DNAJA3: variants seen among roughly 807,000 people sequenced by gnomAD.
DNAJA3 encodes DnaJ heat shock protein family (Hsp40) member A3.
A neutral mutation model predicts 54.9 loss-of-function variants in DNAJA3; 29 were observed. The ratio of observed to expected loss-of-function variants is 0.53; its 90% CI spans 0.39 to 0.72. The LOEUF is 0.72. Among genes scored for constraint, DNAJA3 ranks in the 30% least tolerant of loss-of-function variants. The pLI, the probability that DNAJA3 is intolerant of heterozygous loss-of-function variation, is 0.00. For missense variants in DNAJA3, 708 were observed against 639.4 expected (o/e 1.11, Z -1.16); for synonymous variants, 302 against 251.4 (o/e 1.20, Z -1.90).
chr16:4,447,284 C>CAGA (rs2056914320), intron 8 of DNAJA3: 1 of 434,858 alleles, frequency 2.3e-6, no homozygotes, highest in African/African-American at 2.0e-5. Flanking sequence ...ATTCAGGACA[C>CAGA]AGAAGGGTTC....
intron 10 of DNAJA3, among the ~76,000 whole-genome samples, chr16:4,452,221 T>TA (rs2056987081): frequency 1.3e-5 from 2 of 152,180 alleles, no homozygotes; most frequent in Non-Finnish European, 2.9e-5. Flanking sequence ...ATAGAAGTGG[T>TA]AATAGAGTAG....
chr16:4,441,957 G>T (rs927993506), intron 4 of DNAJA3, among the ~76,000 whole-genome samples: 1 of 152,180 alleles, frequency 6.6e-6, no homozygotes, highest in African/African-American at 2.4e-5. Flanking sequence ...ATATATTTAT[G>T]ATCTAAATTA....
intron 1 of DNAJA3, 174 bp from the exon 2 acceptor site, chr16:4,434,210 T>TG (rs1302443489): frequency 3.2e-5 from 21 of 655,014 alleles, no homozygotes; most frequent in African/African-American, 3.1e-4. Flanking sequence ...GTCCCTCCCA[T>TG]GACACGTGGG....
At chr16:4,448,115 G>A (rs559948099) in intron 8 of DNAJA3, among the ~76,000 whole-genome samples, 25 of 132,910 alleles carry the variant, frequency 1.9e-4, no homozygotes, top group African/African-American at 5.9e-4. Context: ...GGCAATCTCC[G>A]CCTCCCAGGT....
At chr16:4,454,362 C>G (rs958158790) in intron 10 of DNAJA3, among the ~76,000 whole-genome samples, 37 of 152,194 alleles carry the variant, frequency 2.4e-4, no homozygotes, top group Non-Finnish European at 4.7e-4. Flanking sequence ...CTCAGTCCTC[C>G]CTCCCGCTTG....
At position 4,443,041 on chromosome 16, in the gene DNAJA3, G is replaced by A. The variant is rs777798642; in HGVS notation, c.808G>A (p.Val270Met). The A allele has an allele frequency of 1.9e-6, 3 of 1,614,104 alleles. No homozygotes were observed. The highest frequency in any genetic ancestry group is 2.5e-6 in the Non-Finnish European group (3 of 1,180,018). ...GMETINTGPF[V>M]MRSTCRRCGG... ...GGAAACCATCAACACAGGCCCTTTTGTGATGCGTTCCACGTGTAGGAGATG... is the reference window on the plus strand; with the variant it reads ...GGAAACCATCAACACAGGCCCTTTTATGATGCGTTCCACGTGTAGGAGATG... The change falls in exon 6 of 12, where the codon GTG (valine) becomes ATG (methionine). Residue 270 changes from valine (V) to methionine (M), a missense_variant. Physicochemically the swap from Val to Met is conservative, Grantham distance 21. Transcript: ENST00000262375.
intron 10 of DNAJA3, among the ~76,000 whole-genome samples, chr16:4,453,593 C>T (rs551617768): frequency 6.6e-6 from 1 of 152,080 alleles, no homozygotes; most frequent in Non-Finnish European, 1.5e-5. Flanking sequence ...GCATGCCGCC[C>T]CTGGCTAATT....
intron 2 of DNAJA3, among the ~76,000 whole-genome samples, chr16:4,436,784 GCTCA>G (rs1189779313): frequency 1.3e-5 from 2 of 152,136 alleles, no homozygotes; most frequent in African/African-American, 4.8e-5. Context: ...GATCCACCCA[GCTCA>G]GCATCTCAAA....
chr16:4,433,734 T>C (rs1455036601), intron 1 of DNAJA3: 1 of 152,224 alleles, frequency 6.6e-6, no homozygotes, highest in Non-Finnish European at 1.5e-5. Context: ...AGGGGGGAGC[T>C]GAATCCCTTT....
chr16:4,449,122 G>A (rs1052336509), intron 9 of DNAJA3, among the ~76,000 whole-genome samples: 4 of 151,944 alleles, frequency 2.6e-5, no homozygotes, highest in African/African-American at 4.8e-5. Context: ...TCAGCCTCCC[G>A]AGTAGCTGGG....
Position 4,454,864 on chromosome 16 carries a change from G to T in DNAJA3, c.1393G>T (p.Glu465Ter). 6.2e-7 allele frequency: 1 copy of T among 1,614,128 alleles called. No homozygotes were observed. The highest frequency in any genetic ancestry group is 8.5e-7 in the Non-Finnish European group (1 of 1,179,994). The change falls in exon 11 of 12, where the codon GAG becomes TAG. Residue 465 changes from glutamate to a stop codon, truncating the protein, a stop_gained. Transcript: ENST00000262375. LOFTEE classifies it high-confidence loss of function. ...AGSKARREAG[E>*]DEEGFLSKLK... is the part of the protein sequence containing the mutation. Reference sequence around the variant, plus strand: ...AAGCAAGGCTAGGCGTGAGGCTGGGGAGGACGAGGAGGGATTCCTTTCCAA... The same window carrying T: ...AAGCAAGGCTAGGCGTGAGGCTGGGTAGGACGAGGAGGGATTCCTTTCCAA...
At chr16:4,455,364 G>T in intron 11 of DNAJA3, 182 bp from the exon 12 acceptor site, 1 of 667,126 alleles carries the variant, frequency 1.5e-6, no homozygotes. Flanking sequence ...CTGCTCCAGG[G>T]GTAGCGCTTG....
At chr16:4,454,760 CTG>C in intron 10 of DNAJA3, 49 bp from the exon 11 acceptor site, 3 of 1,423,414 alleles carry the variant, frequency 2.1e-6, no homozygotes, top group East Asian at 2.3e-5. Flanking sequence ...TGGGATGTGA[CTG>C]TGGAAGTGCA....
rs1226690537 is a variant in DNAJA3, at chr16:4,429,439, G to C, written c.211+3347G>C. On this transcript the variant is annotated intron_variant, in intron 1 of 11. Transcript: ENST00000262375. ...GGATTTCACCATATTGGCCAGGATG[G>C]TCTCGATCTCTTTACCCATGATCTG... 4.0e-5 allele frequency among the ~76,000 whole-genome samples: 6 copies of C among 150,020 alleles called. No homozygotes were observed. The East Asian group carries it at 1.0e-3, about 25-fold the overall frequency.
chr16:4,433,929 A>T (rs184262076), intron 1 of DNAJA3: 6 of 192,946 alleles, frequency 3.1e-5, no homozygotes, highest in Non-Finnish European at 4.2e-5. Flanking sequence ...TAGCCTGTGT[A>T]TTAGTCTGTT....
chr16:4,445,158 C>G (rs969326075), intron 7 of DNAJA3, among the ~76,000 whole-genome samples: 1 of 152,196 alleles, frequency 6.6e-6, no homozygotes, highest in Non-Finnish European at 1.5e-5. Context: ...AAAACCCACA[C>G]AAGCCTAGCA....
intron 10 of DNAJA3, among the ~76,000 whole-genome samples, chr16:4,452,513 C>T (rs6500606): frequency 0.63 from 95,392 of 152,012 alleles, 30,478 homozygotes; most frequent in Non-Finnish European, 0.69. Context: ...TTTGTCACTT[C>T]CATGGTTACT....
At chr16:4,439,297 G>A (rs1018153545) in intron 3 of DNAJA3, among the ~76,000 whole-genome samples, 1 of 151,258 alleles carries the variant, frequency 6.6e-6, no homozygotes, top group African/African-American at 2.4e-5. Context: ...GGAGGCATCA[G>A]TGAGCCGAAG....
At chr16:4,429,877 C>T (rs777458155) in intron 1 of DNAJA3, among the ~76,000 whole-genome samples, 3 of 151,866 alleles carry the variant, frequency 2.0e-5, no homozygotes, top group Admixed American at 6.6e-5. Flanking sequence ...ACTGCCTGTA[C>T]TCCCAGCTGC....
Sources: gnomAD v4.1 joint callset for allele counts (sites outside exome capture counted in the v4.1 genomes callset) on GRCh38, gnomAD v4.1.1 for gene constraint, MANE v1.5 for transcripts, NCBI Gene and HGNC (gene_info 2026-07-23, HGNC 2026-07-21) for gene names.